Variants in EXT1 observed in about 807,000 individuals in gnomAD.
EXT1 encodes the protein exostosin glycosyltransferase 1.
Under a neutral mutation model 82.5 loss-of-function variants are expected in EXT1, and 20 were observed. That is an observed-to-expected ratio of 0.24 (90% CI 0.17 to 0.35). The LOEUF is 0.35. Ranked by LOEUF, EXT1 falls within the 10% of genes least tolerant of loss-of-function variation. The probability of loss-of-function intolerance (pLI) is 1.00; values close to 1 mark genes in which losing one functional copy is unlikely to be tolerated. For missense variants in EXT1, 757 were observed against 936.5 expected, an observed-to-expected ratio of 0.81 and a Z score of 2.50; for synonymous variants, 348 against 350.8, an observed-to-expected ratio of 0.99 and a Z score of 0.09.
chr8:118,085,177 G>T (rs549775131), intron 1 of EXT1, among the ~76,000 whole-genome samples: 1 of 152,298 alleles, frequency 6.6e-6, no homozygotes, highest in South Asian at 2.1e-4. Context: ...GCTATCAAAT[G>T]TATATCATAT....
intron 1 of EXT1, among the ~76,000 whole-genome samples, chr8:117,874,757 C>T (rs902105356): frequency 6.6e-6 from 1 of 152,066 alleles, no homozygotes; most frequent in African/African-American, 2.4e-5. Flanking sequence ...GATTCCAATA[C>T]CAATGATAGA....
At chr8:117,878,929 A>C (rs1813015123) in intron 1 of EXT1, among the ~76,000 whole-genome samples, 1 of 152,174 alleles carries the variant, frequency 6.6e-6, no homozygotes, top group Non-Finnish European at 1.5e-5. Context: ...TCATGGTGAG[A>C]CCCACGCTGT....
chr8:117,807,692 CT>C (rs1823259293), intron 8 of EXT1, among the ~76,000 whole-genome samples: 1 of 152,082 alleles, frequency 6.6e-6, no homozygotes, highest in African/African-American at 2.4e-5. Flanking sequence ...TTCCCCCTTC[CT>C]CAAAGGTGCA....
chr8:117,945,408 C>A (rs952858012), intron 1 of EXT1, among the ~76,000 whole-genome samples: 1 of 152,214 alleles, frequency 6.6e-6, no homozygotes, highest in Non-Finnish European at 1.5e-5. Context: ...AAGCTGGACT[C>A]CACGGAGCTC....
intron 1 of EXT1, among the ~76,000 whole-genome samples, chr8:117,982,168 G>A (rs1411938561): frequency 3.9e-5 from 6 of 152,082 alleles, no homozygotes; most frequent in Non-Finnish European, 8.8e-5. Context: ...GGTGTCAGTC[G>A]GCCACGTCCT....
At chr8:117,830,117 A>G in intron 4 of EXT1, 113 bp downstream of exon 4, 1 of 1,353,000 alleles carries the variant, frequency 7.4e-7, no homozygotes, top group Non-Finnish European at 1.0e-6. Context: ...AAGTACAGGA[A>G]TCTGGTTTTG....
intron 4 of EXT1, among the ~76,000 whole-genome samples, chr8:117,823,493 AT>A (rs966355596): frequency 6.6e-6 from 1 of 150,388 alleles, no homozygotes; most frequent in African/African-American, 2.5e-5. Context: ...GTTTTCAGCA[AT>A]TTTTTTTACA....
At chr8:117,956,442 C>A (rs2129706884) in intron 1 of EXT1, among the ~76,000 whole-genome samples, 1 of 152,180 alleles carries the variant, frequency 6.6e-6, no homozygotes, top group South Asian at 2.1e-4. Context: ...GCTTTCTCAT[C>A]TTAAACTCTA....
chr8:118,057,742 G>C (rs914134414), intron 1 of EXT1, among the ~76,000 whole-genome samples: 3 of 151,898 alleles, frequency 2.0e-5, no homozygotes, highest in African/African-American at 7.3e-5. Flanking sequence ...GGGAGGCCGA[G>C]GCGGGAGGAT....
chr8:117,949,589 T>C (rs1245587338), intron 1 of EXT1, among the ~76,000 whole-genome samples: 1 of 151,012 alleles, frequency 6.6e-6, no homozygotes, highest in African/African-American at 2.4e-5. Context: ...TTAAGCTTCA[T>C]TGTGAATCAT....
intron 1 of EXT1, among the ~76,000 whole-genome samples, chr8:117,866,321 T>A (rs1255943575): frequency 1.3e-5 from 2 of 152,192 alleles, no homozygotes; most frequent in Non-Finnish European, 2.9e-5. Context: ...ACCTCAGAGA[T>A]AACTGATAAA....
chr8:117,967,082 T>C (rs969883109), intron 1 of EXT1, among the ~76,000 whole-genome samples: 1 of 152,236 alleles, frequency 6.6e-6, no homozygotes, highest in Non-Finnish European at 1.5e-5. Context: ...AATTAACACA[T>C]CTTGGGAAAT....
chr8:117,810,847 G>A (rs1279280140), intron 8 of EXT1, among the ~76,000 whole-genome samples: 1 of 152,170 alleles, frequency 6.6e-6, no homozygotes, highest in African/African-American at 2.4e-5. Context: ...CAGGAAAATC[G>A]AGGCAGGATA....
rs756568263 is a variant in EXT1 at position 118,110,524 on chromosome 8, T to C, written c.523A>G (p.Arg175Gly). The C allele has an allele frequency of 5.0e-6, 8 of 1,614,152 alleles. No homozygotes were observed. Among genetic ancestry groups the C allele is most frequent in the Non-Finnish European group, 6.8e-6 (8 of 1,180,018 alleles). ...AAGTGGAGACTCTGCACTTTGGATC[T>C]CAAATTGTGCACATACTGAGGTGAC... is the stretch of plus-strand genomic sequence containing the variant. The part of the protein sequence containing the change: ...QLSPQYVHNL[R>G]SKVQSLHLWN... The change falls in exon 1 of 11, where the codon AGA becomes GGA. Residue 175 changes from arginine to glycine, a missense_variant. Arg to Gly is a moderately radical substitution (Grantham distance 125). Coordinates refer to ENST00000378204, the MANE Select transcript of EXT1 (RefSeq NM_000127.3).
At chr8:118,072,641 T>G (rs1817116538) in intron 1 of EXT1, among the ~76,000 whole-genome samples, 1 of 152,230 alleles carries the variant, frequency 6.6e-6, no homozygotes, top group Non-Finnish European at 1.5e-5. Flanking sequence ...TGGAAATTGG[T>G]TGATTCTGGA....
chr8:118,071,038 T>C (rs1231996585), intron 1 of EXT1, among the ~76,000 whole-genome samples: 1 of 152,190 alleles, frequency 6.6e-6, no homozygotes, highest in African/African-American at 2.4e-5. Context: ...AGCCTCTCAT[T>C]TCTATCATGT....
intron 1 of EXT1, among the ~76,000 whole-genome samples, chr8:117,925,631 A>G (rs1350745454): frequency 1.3e-5 from 2 of 149,170 alleles, no homozygotes; most frequent in Non-Finnish European, 3.0e-5. Flanking sequence ...CACCTTGGGA[A>G]GCAAAGGTAG....
At chr8:117,846,528 T>G (rs1275459122) in intron 1 of EXT1, among the ~76,000 whole-genome samples, 2 of 151,886 alleles carry the variant, frequency 1.3e-5, no homozygotes, top group Admixed American at 6.6e-5. Context: ...AAATGCTAAA[T>G]AAAGGGCTAC....
chr8:118,000,458 G>C (rs1030952774), intron 1 of EXT1, among the ~76,000 whole-genome samples: 1 of 152,300 alleles, frequency 6.6e-6, no homozygotes, highest in East Asian at 1.9e-4. Flanking sequence ...GCAAGCCTTG[G>C]TTCCACTTTA....
Sources: gnomAD v4.1 joint callset for allele counts (sites outside exome capture counted in the v4.1 genomes callset) on GRCh38, gnomAD v4.1.1 for gene constraint, MANE v1.5 for transcripts, NCBI Gene and HGNC (gene_info 2026-07-23, HGNC 2026-07-21) for gene names.